Variants in ARB2A observed in about 807,000 individuals in gnomAD.
ARB2A encodes ARB2 cotranscriptional regulator A.
At chr5:94,084,238 C>A in the ARB2A span, among the ~76,000 whole-genome samples, 1 of 137,872 alleles carries the variant, frequency 7.3e-6, no homozygotes, top group Admixed American at 7.9e-5. Context: ...TGCACTACTG[C>A]GCTCCAATCT....
the ARB2A span, among the ~76,000 whole-genome samples, chr5:94,062,582 T>G: frequency 6.6e-6 from 1 of 152,024 alleles, no homozygotes; most frequent in African/African-American, 2.4e-5. Flanking sequence ...CAAGAGCTCC[T>G]CAAACCCCAT....
the ARB2A span, among the ~76,000 whole-genome samples, chr5:93,726,451 G>T: frequency 8.6e-4 from 131 of 152,080 alleles, no homozygotes; most frequent in Non-Finnish European, 1.4e-3. Flanking sequence ...GTTTCTCTAG[G>T]ATTATGCTGA....
the ARB2A span, among the ~76,000 whole-genome samples, chr5:93,753,826 C>T: frequency 6.6e-6 from 1 of 152,182 alleles, no homozygotes; most frequent in South Asian, 2.1e-4. Flanking sequence ...AGGTATCAGG[C>T]GTTTAGACAA....
At chr5:93,833,160 TC>T in the ARB2A span, among the ~76,000 whole-genome samples, 25 of 152,310 alleles carry the variant, frequency 1.6e-4, no homozygotes, top group African/African-American at 5.3e-4. Context: ...TTTCCTTCCT[TC>T]TAGAATATAA....
the ARB2A span, among the ~76,000 whole-genome samples, chr5:94,068,862 C>CAAAAAAA: frequency 2.6e-4 from 16 of 62,330 alleles, no homozygotes; most frequent in African/African-American, 4.1e-4. Context: ...ACTAAAAATA[C>CAAAAAAA]AAAAAAAAAA....
At chr5:93,949,869 GTTAT>G in the ARB2A span, among the ~76,000 whole-genome samples, 1 of 151,884 alleles carries the variant, frequency 6.6e-6, no homozygotes, top group Non-Finnish European at 1.5e-5. Context: ...ATTATTAGCT[GTTAT>G]TTATTTGAGA....
At chr5:93,654,960 C>T in the ARB2A span, among the ~76,000 whole-genome samples, 1 of 152,152 alleles carries the variant, frequency 6.6e-6, no homozygotes, top group Admixed American at 6.5e-5. Context: ...TCTTTTGTAG[C>T]TGCAGTGTAG....
the ARB2A span, among the ~76,000 whole-genome samples, chr5:93,899,072 T>TTTAA: frequency 6.6e-6 from 1 of 152,152 alleles, no homozygotes; most frequent in East Asian, 1.9e-4. Flanking sequence ...AGTTCCTAAT[T>TTTAA]TTAATTATAA....
chr5:93,942,564 G>T, the ARB2A span, among the ~76,000 whole-genome samples: 1 of 151,660 alleles, frequency 6.6e-6, no homozygotes, highest in African/African-American at 2.4e-5. Context: ...CAAAGGAGCT[G>T]CTTGCAGTTT....
the ARB2A span, among the ~76,000 whole-genome samples, chr5:93,947,586 T>C: frequency 6.6e-6 from 1 of 151,176 alleles, no homozygotes; most frequent in Admixed American, 6.6e-5. Context: ...TACGTATGTA[T>C]ACATGTGCCA....
the ARB2A span, among the ~76,000 whole-genome samples, chr5:93,775,871 T>C: frequency 1.3e-5 from 2 of 152,346 alleles, no homozygotes; most frequent in African/African-American, 4.8e-5. Flanking sequence ...CCTTGTTGTT[T>C]AGGTATTCAT....
At chr5:93,805,047 A>C in the ARB2A span, 2 of 961,508 alleles carry the variant, frequency 2.1e-6, no homozygotes, top group South Asian at 9.6e-5. Flanking sequence ...GAGGGGATGC[A>C]TTTTAATATA....
the ARB2A span, among the ~76,000 whole-genome samples, chr5:93,684,841 AAG>A: frequency 6.6e-6 from 1 of 152,226 alleles, no homozygotes; most frequent in African/African-American, 2.4e-5. Context: ...CCACAGACTA[AAG>A]AGGGGGTAAA....
the ARB2A span, among the ~76,000 whole-genome samples, chr5:93,763,690 A>T: frequency 2.6e-5 from 4 of 152,238 alleles, no homozygotes; most frequent in East Asian, 5.8e-4. Flanking sequence ...CTCTGCAACA[A>T]GCAGACCTAA....
At chr5:93,944,724 G>C in the ARB2A span, among the ~76,000 whole-genome samples, 1 of 152,038 alleles carries the variant, frequency 6.6e-6, no homozygotes, top group African/African-American at 2.4e-5. Context: ...AGATGAAAAA[G>C]AAGAAAGAGG....
the ARB2A span, among the ~76,000 whole-genome samples, chr5:93,761,606 C>A: frequency 6.6e-6 from 1 of 152,310 alleles, no homozygotes; most frequent in Non-Finnish European, 1.5e-5. Context: ...GGCCTGCCTG[C>A]CTCTGTAGAC....
chr5:93,875,204 A>G, the ARB2A span, among the ~76,000 whole-genome samples: 6 of 152,126 alleles, frequency 3.9e-5, no homozygotes, highest in South Asian at 1.2e-3. Flanking sequence ...ATTAAATGGA[A>G]GAGCTGGAAT....
chr5:93,774,954 C>T, the ARB2A span, among the ~76,000 whole-genome samples: 1 of 152,068 alleles, frequency 6.6e-6, no homozygotes, highest in Non-Finnish European at 1.5e-5. Flanking sequence ...AGTGACTTCA[C>T]ATTATATAAC....
At chr5:93,692,155 G>C in the ARB2A span, among the ~76,000 whole-genome samples, 1 of 152,082 alleles carries the variant, frequency 6.6e-6, no homozygotes, top group African/African-American at 2.4e-5. Context: ...CATAATGACA[G>C]GCTCAAATTC....
Sources: allele counts gnomAD v4.1 joint callset (sites outside exome capture counted in the v4.1 genomes callset), GRCh38; gene constraint gnomAD v4.1.1; transcripts MANE v1.5; gene names NCBI Gene and HGNC (gene_info 2026-07-23, HGNC 2026-07-21).